ZCWPW2: variants seen among roughly 807,000 people sequenced by gnomAD.
The protein encoded by ZCWPW2 is zinc finger CW-type and PWWP domain containing 2.
A neutral mutation model predicts 46.6 loss-of-function variants in ZCWPW2; 45 were observed. That is an observed-to-expected ratio of 0.96 (90% confidence interval 0.76 to 1.24). The LOEUF (loss-of-function observed/expected upper bound fraction) is 1.24, where lower values mean the gene tolerates loss of function less well. Among genes scored for constraint, ZCWPW2 ranks in the 50% most tolerant of loss-of-function variants. The pLI, the probability that ZCWPW2 is intolerant of heterozygous loss-of-function variation, is 0.00. For synonymous variants in ZCWPW2, 152 were observed against 137.1 expected, an observed-to-expected ratio of 1.11 and a Z score of -0.76; for missense variants, 429 against 403.9, an observed-to-expected ratio of 1.06 and a Z score of -0.53.
At position 28,349,203 on chromosome 3, in the gene ZCWPW2, G is replaced by A; in HGVS notation, c.-134G>A. Reference sequence around the variant, plus strand: ...AGGAGGCGGAGGCGGAGTGGAGTTAGGTAAGAGCGTTACCAGCCGTCTTGT... The same window carrying A: ...AGGAGGCGGAGGCGGAGTGGAGTTAAGTAAGAGCGTTACCAGCCGTCTTGT... On this transcript the variant is annotated splice_region_variant and 5_prime_UTR_variant, in exon 1 of 10. Transcript: ENST00000383768. The A allele has an allele frequency of 1.0e-6, 1 of 985,604 alleles. No homozygotes were observed. The highest frequency in any genetic ancestry group is 1.2e-6 in the Non-Finnish European group (1 of 830,076). The allele number at this position is 985,604 out of a possible 1,614,324, so 61.1% of individuals were successfully genotyped here. A position where few individuals can be genotyped will look rare whatever the true frequency, so the allele number is the denominator to read the frequency against.
chr3:28,440,735 G>T (rs1330115233), intron 4 of ZCWPW2, among the ~76,000 whole-genome samples: 1 of 152,216 alleles, frequency 6.6e-6, no homozygotes, highest in Non-Finnish European at 1.5e-5. Flanking sequence ...AGGCAATGCT[G>T]TGTGGAATAC....
intron 1 of ZCWPW2, among the ~76,000 whole-genome samples, chr3:28,363,698 C>T (rs1035899385): frequency 2.0e-5 from 3 of 152,134 alleles, no homozygotes; most frequent in Non-Finnish European, 4.4e-5. Flanking sequence ...GAGATAGGTA[C>T]CAGAAAACTA....
chr3:28,354,281 T>C (rs887364592), intron 1 of ZCWPW2, among the ~76,000 whole-genome samples: 11 of 151,132 alleles, frequency 7.3e-5, no homozygotes, highest in African/African-American at 9.7e-5. Flanking sequence ...CCTGGACACA[T>C]ACACCCTCCC....
intron 2 of ZCWPW2, among the ~76,000 whole-genome samples, chr3:28,404,271 G>T (rs764500421): frequency 6.6e-6 from 1 of 151,216 alleles, no homozygotes; most frequent in Non-Finnish European, 1.5e-5. Flanking sequence ...ACAAACATAC[G>T]AAAAAATGCT....
At chr3:28,376,396 C>T (rs1417956985) in intron 1 of ZCWPW2, among the ~76,000 whole-genome samples, 1 of 152,088 alleles carries the variant, frequency 6.6e-6, no homozygotes, top group Non-Finnish European at 1.5e-5. Context: ...TTACCCATAT[C>T]TTTACAGATT....
At chr3:28,471,476 T>G (rs1273141632) in intron 4 of ZCWPW2, among the ~76,000 whole-genome samples, 1 of 152,192 alleles carries the variant, frequency 6.6e-6, no homozygotes, top group East Asian at 1.9e-4. Flanking sequence ...GTGTGGCATA[T>G]CAAAAGAATG....
At chr3:28,449,801 A>G (rs1698153310) in intron 4 of ZCWPW2, among the ~76,000 whole-genome samples, 2 of 152,178 alleles carry the variant, frequency 1.3e-5, no homozygotes, top group African/African-American at 4.8e-5. Flanking sequence ...AAGCTGATGC[A>G]TGGTATAGAA....
chr3:28,479,571 T>C (rs1186439044), intron 5 of ZCWPW2, among the ~76,000 whole-genome samples: 3 of 152,188 alleles, frequency 2.0e-5, no homozygotes, highest in Non-Finnish European at 4.4e-5. Flanking sequence ...AGGCTTGTTA[T>C]ATAGGTAAAC....
chr3:28,422,604 T>C (rs116108580), intron 3 of ZCWPW2, among the ~76,000 whole-genome samples: 1,804 of 152,342 alleles, frequency 0.012, 40 homozygotes, highest in African/African-American at 0.041. Flanking sequence ...GGACAACTTA[T>C]CTATCCATTC....
chr3:28,429,820 G>A (rs1046946867), intron 3 of ZCWPW2, among the ~76,000 whole-genome samples: 3 of 152,186 alleles, frequency 2.0e-5, no homozygotes, highest in Admixed American at 1.3e-4. Context: ...AAGGGTACAA[G>A]CCCCAAGCCT....
intron 6 of ZCWPW2, among the ~76,000 whole-genome samples, chr3:28,499,562 T>C (rs1166811925): frequency 6.6e-6 from 1 of 152,192 alleles, no homozygotes; most frequent in Non-Finnish European, 1.5e-5. Context: ...CTTTGTCAGA[T>C]GGATGGATTG....
intron 1 of ZCWPW2, among the ~76,000 whole-genome samples, chr3:28,349,816 T>A (rs1704467889): frequency 6.6e-6 from 1 of 152,212 alleles, no homozygotes. Context: ...CCCCTTAAAG[T>A]AGTATTTTGT....
rs573253433 is a variant in ZCWPW2, at chr3:28,366,752, G to T, written c.-134+17549G>T. 6.6e-3 allele frequency among the ~76,000 whole-genome samples: 1,008 copies of T among 152,218 alleles called. 10 individuals carry two copies. The highest frequency in any genetic ancestry group is 0.02 in the African/African-American group (844 of 41,512). ...CCTCCTTGTACCTCTGGTAGAATTC[G>T]GCTGTGAATCCATCTGGTCCTGGAC... On this transcript the variant is annotated intron_variant, in intron 1 of 9. Coordinates refer to ENST00000383768, the MANE Select transcript of ZCWPW2 (RefSeq NM_001040432.4).
chr3:28,492,227 C>A, intron 6 of ZCWPW2, 54 bp downstream of exon 6: 1 of 1,428,140 alleles, frequency 7.0e-7, no homozygotes, highest in Admixed American at 2.3e-5. Context: ...TCATTTAACA[C>A]TATTCTTTAA....
intron 3 of ZCWPW2, among the ~76,000 whole-genome samples, chr3:28,424,126 G>C (rs559107011): frequency 6.6e-6 from 1 of 151,922 alleles, no homozygotes; most frequent in South Asian, 2.1e-4. Flanking sequence ...TCTTAAAGCT[G>C]TATATTCTGG....
Position 28,435,175 on chromosome 3 carries a change from A to T in ZCWPW2, c.398A>T (p.Asn133Ile). ...TATGTAACTTATGACCCGGATGGAA[A>T]TGTTGAAGAGTATCACATAGAATTC... ...GKYVTYDPDG[N>I]VEEYHIEFLG... Residue 133 changes from asparagine (N) to isoleucine (I), a missense_variant, in exon 4 of 10, where the codon AAT becomes ATT. Asn to Ile is a moderately radical substitution (Grantham distance 149). Transcript: ENST00000383768. 1 of 1,613,746 alleles carries T rather than the reference A, an allele frequency of 6.2e-7. No homozygotes were observed. The highest frequency in any genetic ancestry group is 8.5e-7 in the Non-Finnish European group (1 of 1,179,950).
At chr3:28,477,301 G>C (rs1699267983) in intron 4 of ZCWPW2, among the ~76,000 whole-genome samples, 1 of 152,082 alleles carries the variant, frequency 6.6e-6, no homozygotes, top group African/African-American at 2.4e-5. Context: ...CATAGATTAT[G>C]TGTCCAAAAG....
At chr3:28,387,359 T>C (rs964482971) in intron 1 of ZCWPW2, among the ~76,000 whole-genome samples, 5 of 152,188 alleles carry the variant, frequency 3.3e-5, no homozygotes, top group African/African-American at 9.6e-5. Context: ...TAAAAAATTA[T>C]ATATTTTAGA....
intron 2 of ZCWPW2, among the ~76,000 whole-genome samples, chr3:28,406,817 C>CT (rs1013096764): frequency 2.4e-4 from 31 of 131,046 alleles, no homozygotes; most frequent in East Asian, 1.5e-3. Context: ...ATTTCCTTTT[C>CT]TTTTTTTTCT....
Sources: gnomAD v4.1 joint callset for allele counts (sites outside exome capture counted in the v4.1 genomes callset) on GRCh38, gnomAD v4.1.1 for gene constraint, MANE v1.5 for transcripts, NCBI Gene and HGNC (gene_info 2026-07-23, HGNC 2026-07-21) for gene names.